The following ULK4 variants were observed in gnomAD, a reference collection of about 807,000 sequenced individuals.
ULK4 encodes unc-51 like kinase 4, also known as inactive serine/threonine-protein kinase ULK4.
In ULK4, 133 loss-of-function variants were observed where a neutral mutation model predicts 160.6. The ratio of observed to expected loss-of-function variants is 0.83; its 90% CI spans 0.72 to 0.96. The LOEUF (loss-of-function observed/expected upper bound fraction) is 0.96. ULK4 is among the 40% of genes least tolerant of loss of function. The pLI, the probability that ULK4 is intolerant of heterozygous loss-of-function variation, is 0.00. For synonymous variants in ULK4, 534 were observed against 539.8 expected (o/e 0.99, Z 0.15); for missense variants, 1,580 against 1,499.5 (o/e 1.05, Z -0.89).
At chr3:41,841,958 T>C (rs924189607) in intron 17 of ULK4, among the ~76,000 whole-genome samples, 1 of 151,906 alleles carries the variant, frequency 6.6e-6, no homozygotes, top group African/African-American at 2.4e-5. Flanking sequence ...TTAAGAGTCA[T>C]CACCACTCCC....
At chr3:41,856,586 T>C (rs1349183529) in intron 17 of ULK4, among the ~76,000 whole-genome samples, 1 of 81,620 alleles carries the variant, frequency 1.2e-5, no homozygotes, top group Non-Finnish European at 2.3e-5. Flanking sequence ...TGTATATATA[T>C]ACACATATAT....
chr3:41,732,917 T>C (rs1385106774), intron 22 of ULK4, among the ~76,000 whole-genome samples: 1 of 151,732 alleles, frequency 6.6e-6, no homozygotes, highest in Non-Finnish European at 1.5e-5. Context: ...CTAATAGAAA[T>C]AGAGAAGAGA....
rs764429603 is a variant in ULK4, at chr3:41,954,785, T to C, written c.-26A>G. 1.2e-5 allele frequency: 19 copies of C among 1,591,526 alleles called. No individual in the cohort carries two copies. The highest frequency in any genetic ancestry group is 4.6e-5 in the South Asian group (4 of 87,110). On this transcript the variant is annotated 5_prime_UTR_variant, in exon 2 of 37. Transcript: ENST00000301831. ...CTCTGGGCCGACTTCTCACATACAA[T>C]AGAATAACAGCATCTCTAGCTCCTA...
At chr3:41,856,629 A>ATG (rs1160214593) in intron 17 of ULK4, among the ~76,000 whole-genome samples, 12 of 131,452 alleles carry the variant, frequency 9.1e-5, no homozygotes, top group East Asian at 6.4e-4. Flanking sequence ...ATATATATAT[A>ATG]TGTATATATA....
At chr3:41,949,799 T>C (rs1339413959) in intron 2 of ULK4, among the ~76,000 whole-genome samples, 1 of 151,472 alleles carries the variant, frequency 6.6e-6, no homozygotes, top group Non-Finnish European at 1.5e-5. Flanking sequence ...TGCAGTGGCA[T>C]GATCGCGGCT....
At chr3:41,767,455 A>C (rs1358438338) in intron 21 of ULK4, among the ~76,000 whole-genome samples, 2 of 152,162 alleles carry the variant, frequency 1.3e-5, no homozygotes, top group Non-Finnish European at 2.9e-5. Context: ...TTGTTCACTA[A>C]GTTCAATTAA....
At chr3:41,616,860 A>G (rs1319628051) in intron 30 of ULK4, among the ~76,000 whole-genome samples, 1 of 152,162 alleles carries the variant, frequency 6.6e-6, no homozygotes, top group Non-Finnish European at 1.5e-5. Flanking sequence ...ACTCCCACGG[A>G]GCCCAGCAAG....
chr3:41,799,694 T>G (rs976627970), intron 20 of ULK4, among the ~76,000 whole-genome samples: 1 of 151,998 alleles, frequency 6.6e-6, no homozygotes, highest in Non-Finnish European at 1.5e-5. Flanking sequence ...AGACCCCATC[T>G]CTACAAAAAT....
intron 32 of ULK4, among the ~76,000 whole-genome samples, chr3:41,472,406 T>C (rs374974992): frequency 1.3e-3 from 196 of 151,794 alleles, no homozygotes; most frequent in Middle Eastern, 3.4e-3. Context: ...CCATCTCTAA[T>C]AAAAATACAA....
intron 18 of ULK4, among the ~76,000 whole-genome samples, chr3:41,825,973 C>T (rs901650275): frequency 6.6e-6 from 1 of 152,186 alleles, no homozygotes; most frequent in Non-Finnish European, 1.5e-5. Flanking sequence ...CGCAAAAACT[C>T]TACAAGCCAG....
intron 35 of ULK4, among the ~76,000 whole-genome samples, chr3:41,329,585 T>C (rs2080403607): frequency 6.9e-6 from 1 of 144,434 alleles, no homozygotes; most frequent in Non-Finnish European, 1.5e-5. Flanking sequence ...CTATAAAAAA[T>C]TGAATCTCAC....
intron 30 of ULK4, among the ~76,000 whole-genome samples, chr3:41,657,560 C>T (rs1559466124): frequency 6.6e-6 from 1 of 152,070 alleles, no homozygotes. Flanking sequence ...CACTGATACC[C>T]TGTAATCCCA....
At chr3:41,624,346 CACG>C (rs1432329421) in intron 30 of ULK4, among the ~76,000 whole-genome samples, 1 of 152,184 alleles carries the variant, frequency 6.6e-6, no homozygotes, top group Non-Finnish European at 1.5e-5. Flanking sequence ...ACATAAATGC[CACG>C]ACTTCTCCAA....
At chr3:41,939,179 G>C (rs1177417621) in intron 2 of ULK4, among the ~76,000 whole-genome samples, 1 of 119,582 alleles carries the variant, frequency 8.4e-6, no homozygotes, top group East Asian at 2.1e-4. Flanking sequence ...TTTTTTTTTT[G>C]AGGAGGAGTC....
At chr3:41,633,363 AT>A (rs145603227) in intron 30 of ULK4, among the ~76,000 whole-genome samples, 1 of 151,976 alleles carries the variant, frequency 6.6e-6, no homozygotes, top group Non-Finnish European at 1.5e-5. Context: ...CATTAGTAAA[AT>A]TTTTTTGGAA....
intron 5 of ULK4, among the ~76,000 whole-genome samples, chr3:41,922,446 C>T (rs1317479261): frequency 6.6e-6 from 1 of 151,926 alleles, no homozygotes; most frequent in Non-Finnish European, 1.5e-5. Context: ...ATGATCATGC[C>T]ACTGCAAGAC....
chr3:41,450,237 G>A (rs377146448), intron 34 of ULK4, among the ~76,000 whole-genome samples: 1 of 151,978 alleles, frequency 6.6e-6, no homozygotes, highest in African/African-American at 2.4e-5. Context: ...TCCTTCAGGA[G>A]ACAGTCAACT....
At position 41,438,855 on chromosome 3, in the gene ULK4, C is replaced by T. The variant is rs1812528; in HGVS notation, c.3492+16642G>A. ...CAAGAAAAGAAAAAGAAAAACCTTC[C>T]GGGGCACATTTATTTGTAAACCATT... On this transcript the variant is annotated intron_variant, in intron 34 of 36. Coordinates refer to ENST00000301831, the MANE Select transcript of ULK4 (RefSeq NM_017886.4). Among the ~76,000 whole-genome samples the T allele has an allele frequency of 2.0e-4, 31 of 151,874 alleles. No homozygotes were observed. In the East Asian group the frequency reaches 2.7e-3, roughly 13 times the overall value.
intron 35 of ULK4, among the ~76,000 whole-genome samples, chr3:41,274,126 C>T (rs2079188290): frequency 6.6e-6 from 1 of 152,082 alleles, no homozygotes; most frequent in African/African-American, 2.4e-5. Flanking sequence ...ATAGGACTCA[C>T]CTGTTTTGTG....
Sources: gnomAD v4.1 joint callset for allele counts (sites outside exome capture counted in the v4.1 genomes callset) on GRCh38, gnomAD v4.1.1 for gene constraint, MANE v1.5 for transcripts, NCBI Gene and HGNC (gene_info 2026-07-23, HGNC 2026-07-21) for gene names.